The following LUZP2 variants were observed in gnomAD, a reference collection of about 807,000 sequenced individuals.
LUZP2 encodes leucine zipper protein 2.
LUZP2 carries 52 observed loss-of-function variants against 51.6 expected under a neutral mutation model. The ratio of observed to expected loss-of-function variants is 1.01; its 90% CI spans 0.81 to 1.27. The LOEUF (loss-of-function observed/expected upper bound fraction) is 1.27. Ranked by LOEUF, LUZP2 falls within the 50% of genes most tolerant of loss-of-function variation. The pLI, the probability that LUZP2 is intolerant of heterozygous loss-of-function variation, is 0.00. For missense variants in LUZP2, 436 were observed against 395.4 expected (o/e 1.10, Z -0.87); for synonymous variants, 154 against 137.3 (o/e 1.12, Z -0.85).
chr11:25,010,515 T>C (rs955826236), intron 9 of LUZP2, among the ~76,000 whole-genome samples: 6 of 151,608 alleles, frequency 4.0e-5, no homozygotes, highest in African/African-American at 1.2e-4. Flanking sequence ...ACCAATGCAC[T>C]CCAACCTGGA....
At chr11:24,756,035 T>A (rs1859760817) in intron 4 of LUZP2, among the ~76,000 whole-genome samples, 1 of 152,150 alleles carries the variant, frequency 6.6e-6, no homozygotes, top group Non-Finnish European at 1.5e-5. Flanking sequence ...GGCGGCTTCA[T>A]CTATATAATA....
intron 5 of LUZP2, among the ~76,000 whole-genome samples, chr11:24,865,762 G>A (rs1232456283): frequency 8.3e-5 from 11 of 132,278 alleles, no homozygotes; most frequent in African/African-American, 2.6e-4. Context: ...ATTTATATGT[G>A]TATATATATG....
At chr11:24,827,971 G>C (rs1850592403) in intron 5 of LUZP2, among the ~76,000 whole-genome samples, 1 of 151,884 alleles carries the variant, frequency 6.6e-6, no homozygotes, top group Non-Finnish European at 1.5e-5. Flanking sequence ...ATGACATTTA[G>C]AGTTTGCTGT....
chr11:24,993,896 T>G (rs1856422441), intron 9 of LUZP2, among the ~76,000 whole-genome samples: 2 of 152,130 alleles, frequency 1.3e-5, no homozygotes, highest in South Asian at 4.1e-4. Context: ...AGTCTCGCTC[T>G]GTTGCCCAGG....
At chr11:24,885,718 G>A (rs1473545172) in intron 5 of LUZP2, among the ~76,000 whole-genome samples, 1 of 152,088 alleles carries the variant, frequency 6.6e-6, no homozygotes, top group Admixed American at 6.6e-5. Context: ...TGAAGCTGCA[G>A]GTAGTATAAG....
Position 25,070,770 on chromosome 11 carries a change from G to GGGGT in LUZP2, c.859-6558_859-6557insGGTG, listed in dbSNP as rs1859132423. On this transcript the variant is annotated intron_variant, in intron 10 of 11. Transcript: ENST00000336930. ...AATGGCATTGTGAATGACTGTGTAT[G>GGGGT]GTGTGTGTGTGTGTGTGTGTGTGTG... Among the ~76,000 whole-genome samples, 10 of 141,388 alleles carry GGGGT rather than the reference G, an allele frequency of 7.1e-5. 1 individual carries two copies. In the South Asian group the frequency reaches 1.9e-3, roughly 26 times the overall value. 92.8% of individuals were successfully genotyped at this position (141,388 alleles called of 152,430 possible). A position where few individuals can be genotyped will look rare whatever the true frequency, so the allele number is the denominator to read the frequency against.
At chr11:24,946,076 A>G (rs535456642) in intron 7 of LUZP2, among the ~76,000 whole-genome samples, 6 of 152,082 alleles carry the variant, frequency 3.9e-5, no homozygotes, top group African/African-American at 1.4e-4. Flanking sequence ...CAATATTGGT[A>G]TTTTGTGACT....
chr11:24,744,700 A>G (rs745630583), intron 4 of LUZP2, among the ~76,000 whole-genome samples: 2 of 151,736 alleles, frequency 1.3e-5, no homozygotes, highest in Non-Finnish European at 2.9e-5. Flanking sequence ...TTTTGTTTCA[A>G]TTTCACTTAG....
chr11:24,686,274 G>T (rs1324491720), intron 1 of LUZP2, among the ~76,000 whole-genome samples: 1 of 151,564 alleles, frequency 6.6e-6, no homozygotes, highest in African/African-American at 2.4e-5. Context: ...GTAGTGGATT[G>T]TGGCAGTTTC....
intron 5 of LUZP2, among the ~76,000 whole-genome samples, chr11:24,838,061 ATT>A (rs1328000362): frequency 6.7e-6 from 1 of 149,914 alleles, no homozygotes; most frequent in African/African-American, 2.4e-5. Flanking sequence ...ATATGTTACT[ATT>A]TTTTCTCATT....
chr11:25,040,342 G>GTTTTTTTTTTTTT (rs1491549909), intron 9 of LUZP2, among the ~76,000 whole-genome samples: 26 of 33,996 alleles, frequency 7.6e-4, no homozygotes, highest in African/African-American at 3.4e-3. Context: ...CTTTCTTTCC[G>GTTTTTTTTTTTTT]ATTTTTTTTT....
At chr11:24,825,251 C>G (rs1435190233) in intron 5 of LUZP2, among the ~76,000 whole-genome samples, 2 of 152,136 alleles carry the variant, frequency 1.3e-5, no homozygotes, top group African/African-American at 2.4e-5. Context: ...TACATTCTTA[C>G]TATATTCTTA....
chr11:24,834,888 C>T lies in LUZP2; in HGVS notation c.397-71103C>T, dbSNP rs147190633. ...ATATGTTTGTTGGCTGCATAAAGGTCTTCTTTTGAGAAGTGTCTTTTCAGT... is the reference window on the plus strand; with the variant it reads ...ATATGTTTGTTGGCTGCATAAAGGTTTTCTTTTGAGAAGTGTCTTTTCAGT... On this transcript the variant is annotated intron_variant, in intron 5 of 11. Transcript: ENST00000336930. Among the ~76,000 whole-genome samples the T allele has an allele frequency of 3.6e-3, 542 of 152,236 alleles. 2 individuals are homozygous for T. Among genetic ancestry groups the T allele is most frequent in the African/African-American group, 0.012 (511 of 41,526 alleles).
At chr11:24,736,418 G>T (rs1490416329) in intron 3 of LUZP2, among the ~76,000 whole-genome samples, 5 of 151,394 alleles carry the variant, frequency 3.3e-5, no homozygotes, top group Non-Finnish European at 5.9e-5. Context: ...TAATTTTATT[G>T]TGTTTCACTC....
intron 5 of LUZP2, among the ~76,000 whole-genome samples, chr11:24,772,890 AACG>A (rs749159727): frequency 4.6e-5 from 7 of 152,202 alleles, no homozygotes; most frequent in Admixed American, 2.0e-4. Context: ...CTCTTCTTAT[AACG>A]ACATCATTTA....
chr11:24,763,157 T>C, intron 4 of LUZP2, 89 bp from the exon 5 acceptor site: 1 of 647,936 alleles, frequency 1.5e-6, no homozygotes, highest in Non-Finnish European at 2.4e-6. Flanking sequence ...TAATAAATAA[T>C]TTATTATTTC....
At chr11:24,563,355 A>T (rs542384460) in intron 1 of LUZP2, among the ~76,000 whole-genome samples, 24 of 152,312 alleles carry the variant, frequency 1.6e-4, no homozygotes, top group African/African-American at 4.6e-4. Context: ...TTTCATGTAA[A>T]ATCAATTTAT....
At chr11:24,600,177 ACACACACAC>A (rs1234479870) in intron 1 of LUZP2, among the ~76,000 whole-genome samples, 1 of 1,558 alleles carries the variant, frequency 6.4e-4, no homozygotes, top group Non-Finnish European at 0.019. Flanking sequence ...AGATTACAAC[ACACACACAC>A]ACACACACAC....
At chr11:24,917,549 A>G (rs940844651) in intron 7 of LUZP2, among the ~76,000 whole-genome samples, 28 of 152,152 alleles carry the variant, frequency 1.8e-4, no homozygotes, top group African/African-American at 5.3e-4. Context: ...AGCTTTCTAC[A>G]TATGGCTAGC....
Sources: allele counts gnomAD v4.1 joint callset (sites outside exome capture counted in the v4.1 genomes callset), GRCh38; gene constraint gnomAD v4.1.1; transcripts MANE v1.5; gene names NCBI Gene and HGNC (gene_info 2026-07-23, HGNC 2026-07-21).